The following SRPK2 variants were observed in gnomAD, a reference collection of about 807,000 sequenced individuals.
SRPK2 encodes the protein SFRS protein kinase 2.
In SRPK2, 21 loss-of-function variants were observed where a neutral mutation model predicts 90.8. The observed-to-expected ratio is 0.23, with a 90% CI of 0.16 to 0.33. The LOEUF is 0.33. Ranked by LOEUF, SRPK2 falls within the 10% of genes least tolerant of loss-of-function variation. The probability of loss-of-function intolerance (pLI) is 1.00; values close to 1 mark genes in which losing one functional copy is unlikely to be tolerated. For synonymous variants in SRPK2, 288 were observed against 311.1 expected (o/e 0.93, Z 0.78); for missense variants, 620 against 869.0 (o/e 0.71, Z 3.60).
At chr7:105,254,625 T>C (rs1031045910) in intron 2 of SRPK2, among the ~76,000 whole-genome samples, 4 of 152,190 alleles carry the variant, frequency 2.6e-5, no homozygotes, top group Admixed American at 2.0e-4. Flanking sequence ...TACTGGATTG[T>C]ACGGTTGGTG....
intron 13 of SRPK2, among the ~76,000 whole-genome samples, chr7:105,128,833 T>G (rs1243765416): frequency 1.3e-5 from 2 of 152,282 alleles, no homozygotes; most frequent in South Asian, 2.1e-4. Context: ...AAGCTGGGAC[T>G]ACAGGCGCAC....
At chr7:105,135,330 C>T (rs897469696) in intron 11 of SRPK2, among the ~76,000 whole-genome samples, 3 of 152,136 alleles carry the variant, frequency 2.0e-5, no homozygotes, top group Non-Finnish European at 4.4e-5. Flanking sequence ...ACAGGAGAGT[C>T]AGGACAGCAT....
intron 2 of SRPK2, among the ~76,000 whole-genome samples, chr7:105,348,423 TTC>T (rs1491408975): frequency 6.7e-6 from 1 of 150,200 alleles, no homozygotes. Context: ...ACTTTTTTCT[TTC>T]TTTTTTTTTT....
At chr7:105,379,630 G>A (rs1343857441) in intron 2 of SRPK2, among the ~76,000 whole-genome samples, 2 of 152,168 alleles carry the variant, frequency 1.3e-5, no homozygotes, top group Non-Finnish European at 2.9e-5. Flanking sequence ...GATCTACATG[G>A]TCGTTACAGG....
At chr7:105,387,680 C>G (rs1469517060) in intron 2 of SRPK2, among the ~76,000 whole-genome samples, 1 of 152,142 alleles carries the variant, frequency 6.6e-6, no homozygotes, top group African/African-American at 2.4e-5. Context: ...GATTCTCGTT[C>G]CCCACAGTAC....
chr7:105,166,331 G>A (rs1226863713), intron 6 of SRPK2, among the ~76,000 whole-genome samples: 1 of 152,032 alleles, frequency 6.6e-6, no homozygotes, highest in Non-Finnish European at 1.5e-5. Flanking sequence ...GCAATACCAA[G>A]GAAATCTGTA....
intron 1 of SRPK2, chr7:105,399,103 A>G (rs1822401803): frequency 6.6e-6 from 1 of 152,194 alleles, no homozygotes; most frequent in Non-Finnish European, 1.5e-5. Flanking sequence ...TTGCTGTATA[A>G]CAAATTTCTC....
chr7:105,133,070 G>T lies in SRPK2; in HGVS notation c.1578C>A (p.Pro526=). 6.2e-7 allele frequency: 1 copy of T among 1,614,110 alleles called. No individual in the cohort carries two copies. The highest frequency in any genetic ancestry group is 8.5e-7 in the Non-Finnish European group (1 of 1,180,008). The change falls in exon 12 of 16, where the codon CCC becomes CCA. Residue 526 remains proline, a synonymous_variant. Coordinates refer to ENST00000393651, the MANE Select transcript of SRPK2 (RefSeq NM_182692.3). ...KTRAADLLVN[P]LDPRNADKIR... is the part of the protein sequence containing the mutation. Reference sequence around the variant, plus strand: ...TTTTATCTGCATTCCGCGGATCCAGGGGATTCACCAACAAGTCAGCTGCCC... The same window carrying T: ...TTTTATCTGCATTCCGCGGATCCAGTGGATTCACCAACAAGTCAGCTGCCC...
chr7:105,163,301 AAAGC>A (rs1807967254), intron 6 of SRPK2, among the ~76,000 whole-genome samples: 1 of 152,350 alleles, frequency 6.6e-6, no homozygotes, highest in African/African-American at 2.4e-5. Context: ...TTCTAAAATC[AAAGC>A]AATAACAAAC....
intron 3 of SRPK2, among the ~76,000 whole-genome samples, chr7:105,172,185 C>T (rs913346417): frequency 6.6e-6 from 1 of 152,148 alleles, no homozygotes; most frequent in Admixed American, 6.5e-5. Flanking sequence ...TGAGCCACTG[C>T]GCCCAGCCTA....
chr7:105,278,601 G>A (rs1245057002), intron 2 of SRPK2, among the ~76,000 whole-genome samples: 2 of 150,756 alleles, frequency 1.3e-5, no homozygotes, highest in African/African-American at 2.4e-5. Context: ...CAGGAGAATC[G>A]TTTGGACCTG....
At chr7:105,269,100 C>A (rs1805488058) in intron 2 of SRPK2, 18 of 1,156,888 alleles carry the variant, frequency 1.6e-5, no homozygotes, top group Admixed American at 3.6e-5. Context: ...AGTACCATTT[C>A]TTTAAAGCAG....
intron 2 of SRPK2, among the ~76,000 whole-genome samples, chr7:105,359,418 A>C (rs1485008719): frequency 6.6e-6 from 1 of 152,094 alleles, no homozygotes; most frequent in African/African-American, 2.4e-5. Flanking sequence ...TTGGCCTCCC[A>C]AAGTGACAAG....
chr7:105,186,173 C>T (rs1793552816), intron 3 of SRPK2, among the ~76,000 whole-genome samples: 1 of 152,090 alleles, frequency 6.6e-6, no homozygotes, highest in African/African-American at 2.4e-5. Context: ...AGGAAGAATG[C>T]CCTTGCTTAT....
chr7:105,388,257 G>A (rs1352977504), intron 2 of SRPK2, among the ~76,000 whole-genome samples: 2 of 151,796 alleles, frequency 1.3e-5, no homozygotes, highest in Non-Finnish European at 2.9e-5. Flanking sequence ...CACTCCCGCA[G>A]CGGGCGGGCC....
chr7:105,302,304 GT>G (rs565288066), intron 2 of SRPK2, among the ~76,000 whole-genome samples: 179 of 152,314 alleles, frequency 1.2e-3, no homozygotes, highest in Non-Finnish European at 2.0e-3. Flanking sequence ...AAATGTTACA[GT>G]TTAGTATACT....
intron 2 of SRPK2, among the ~76,000 whole-genome samples, chr7:105,255,157 T>C (rs1803084441): frequency 1.3e-5 from 1 of 79,200 alleles, no homozygotes; most frequent in South Asian, 4.7e-4. Context: ...TATGCTAAAA[T>C]GATAATTAAG....
intron 2 of SRPK2, among the ~76,000 whole-genome samples, chr7:105,209,334 T>A (rs988252343): frequency 6.6e-6 from 1 of 152,146 alleles, no homozygotes; most frequent in African/African-American, 2.4e-5. Flanking sequence ...GTATATCAGT[T>A]GAGCCCAGGA....
chr7:105,272,221 A>G (rs1229173195), intron 2 of SRPK2, among the ~76,000 whole-genome samples: 1 of 152,186 alleles, frequency 6.6e-6, no homozygotes, highest in Non-Finnish European at 1.5e-5. Context: ...TGCAAAAAAA[A>G]GTCCATCAAC....
Sources: allele counts gnomAD v4.1 joint callset (sites outside exome capture counted in the v4.1 genomes callset), GRCh38; gene constraint gnomAD v4.1.1; transcripts MANE v1.5; gene names NCBI Gene and HGNC (gene_info 2026-07-23, HGNC 2026-07-21).